The following XIRP2 variants were observed in gnomAD, a reference collection of about 807,000 sequenced individuals.
XIRP2 encodes the protein xin actin-binding repeat-containing protein 2.
A neutral mutation model predicts 277.0 loss-of-function variants in XIRP2; 236 were observed. The ratio of observed to expected loss-of-function variants is 0.85; its 90% CI spans 0.77 to 0.95. The LOEUF (loss-of-function observed/expected upper bound fraction) is 0.95, where lower values mean the gene tolerates loss of function less well. XIRP2 is among the 40% of genes least tolerant of loss of function. The pLI is 0.00. For missense variants in XIRP2, 4,640 were observed against 4,157.5 expected (o/e 1.12, Z -3.19); for synonymous variants, 1,490 against 1,416.5 (o/e 1.05, Z -1.17).
intron 5 of XIRP2, among the ~76,000 whole-genome samples, chr2:167,238,392 G>A (rs143170336): frequency 1.3e-5 from 2 of 151,980 alleles, no homozygotes; most frequent in Non-Finnish European, 2.9e-5. Context: ...TTCTAGGAAG[G>A]CCTCAACATT....
chr2:166,933,969 A>T (rs560271483), intron 2 of XIRP2, among the ~76,000 whole-genome samples: 148 of 152,190 alleles, frequency 9.7e-4, no homozygotes, highest in Non-Finnish European at 1.7e-3. Context: ...GTTAAAAAAA[A>T]ATCAGAAACA....
chr2:166,971,769 T>A (rs1319801216), intron 2 of XIRP2, among the ~76,000 whole-genome samples: 1 of 152,140 alleles, frequency 6.6e-6, no homozygotes, highest in Non-Finnish European at 1.5e-5. Context: ...AGGAAAATAA[T>A]TTTTAATTAT....
At chr2:167,018,294 G>A (rs1413952346) in intron 2 of XIRP2, among the ~76,000 whole-genome samples, 1 of 151,930 alleles carries the variant, frequency 6.6e-6, no homozygotes, top group Non-Finnish European at 1.5e-5. Flanking sequence ...CCAGGGGTAG[G>A]AAGTGAGATA....
At chr2:166,994,921 T>C (rs1012599579) in intron 2 of XIRP2, among the ~76,000 whole-genome samples, 1 of 150,088 alleles carries the variant, frequency 6.7e-6, no homozygotes, top group Non-Finnish European at 1.5e-5. Context: ...GGCTTTGACT[T>C]CTTTTTTTTT....
At position 167,258,495 on chromosome 2, in the gene XIRP2, G is replaced by C; in HGVS notation, c.*678G>C. On this transcript the variant is annotated 3_prime_UTR_variant, in exon 11 of 11. Coordinates refer to ENST00000409195, the MANE Select transcript of XIRP2 (RefSeq NM_152381.6). ...CCGAGTGAAGCTGAAGACACAAAGAGTAACAGGAAAAGTGCTATGGATCTT... is the reference window on the plus strand; with the variant it reads ...CCGAGTGAAGCTGAAGACACAAAGACTAACAGGAAAAGTGCTATGGATCTT... 6.2e-7 allele frequency: 1 copy of C among 1,613,168 alleles called. No homozygotes were observed. Among genetic ancestry groups the C allele is most frequent in the South Asian group, 1.1e-5 (1 of 91,034 alleles).
intron 2 of XIRP2, among the ~76,000 whole-genome samples, chr2:167,135,571 C>A (rs1691520121): frequency 6.6e-6 from 1 of 152,080 alleles, no homozygotes; most frequent in African/African-American, 2.4e-5. Context: ...CCCTCATCAA[C>A]ATTTCTCAGG....
At chr2:167,148,569 T>G (rs1691927836) in intron 3 of XIRP2, among the ~76,000 whole-genome samples, 1 of 151,768 alleles carries the variant, frequency 6.6e-6, no homozygotes, top group Non-Finnish European at 1.5e-5. Flanking sequence ...ACTGCAAAGT[T>G]ATATAGCTGA....
intron 10 of XIRP2, among the ~76,000 whole-genome samples, chr2:167,257,203 T>A (rs535998153): frequency 3.8e-4 from 58 of 152,074 alleles, no homozygotes; most frequent in African/African-American, 1.3e-3. Flanking sequence ...GCCTTGTGAC[T>A]GTTGGTGGTT....
intron 10 of XIRP2, among the ~76,000 whole-genome samples, chr2:167,256,258 T>C (rs911009286): frequency 4.0e-5 from 6 of 151,726 alleles, no homozygotes; most frequent in South Asian, 4.1e-4. Flanking sequence ...CTTGAATGTT[T>C]TTTGCCTATT....
intron 2 of XIRP2, among the ~76,000 whole-genome samples, chr2:167,132,656 G>T (rs569748595): frequency 5.3e-5 from 8 of 152,220 alleles, no homozygotes; most frequent in Non-Finnish European, 1.2e-4. Flanking sequence ...CCAGCACCAC[G>T]TGTTTCCTTT....
chr2:167,189,223 C>T (rs572038631), intron 3 of XIRP2, among the ~76,000 whole-genome samples: 1 of 152,142 alleles, frequency 6.6e-6, no homozygotes, highest in Admixed American at 6.5e-5. Flanking sequence ...TACTGGGAAC[C>T]GATATATTTC....
intron 2 of XIRP2, among the ~76,000 whole-genome samples, chr2:166,995,165 C>T (rs1177722118): frequency 6.6e-6 from 1 of 152,188 alleles, no homozygotes; most frequent in Non-Finnish European, 1.5e-5. Flanking sequence ...CACGTGTGAG[C>T]AGCCACGCCT....
chr2:167,129,851 G>C (rs1273078027), intron 2 of XIRP2, among the ~76,000 whole-genome samples: 1 of 139,644 alleles, frequency 7.2e-6, no homozygotes, highest in African/African-American at 2.7e-5. Flanking sequence ...GCCTGAGCAA[G>C]AGTGAAAAAC....
intron 2 of XIRP2, among the ~76,000 whole-genome samples, chr2:167,135,122 T>C (rs577900704): frequency 6.6e-6 from 1 of 152,294 alleles, no homozygotes; most frequent in South Asian, 2.1e-4. Context: ...TTACTTGACA[T>C]ATTTAAAACT....
intron 2 of XIRP2, among the ~76,000 whole-genome samples, chr2:167,050,641 A>T (rs1333806879): frequency 6.6e-6 from 1 of 152,034 alleles, no homozygotes; most frequent in Non-Finnish European, 1.5e-5. Context: ...TGAGGGAAAT[A>T]AAAGAGGGAA....
At chr2:167,053,199 C>T (rs954491954) in intron 2 of XIRP2, among the ~76,000 whole-genome samples, 1 of 152,224 alleles carries the variant, frequency 6.6e-6, no homozygotes, top group Non-Finnish European at 1.5e-5. Flanking sequence ...ATGTCTCCTA[C>T]TCTACAGCTA....
intron 3 of XIRP2, among the ~76,000 whole-genome samples, chr2:167,148,858 A>G (rs1397316768): frequency 6.6e-6 from 1 of 152,214 alleles, no homozygotes; most frequent in East Asian, 1.9e-4. Flanking sequence ...CTGAGAACAA[A>G]GTGAAAGTAC....
At chr2:167,194,859 A>C (rs540534312) in intron 3 of XIRP2, among the ~76,000 whole-genome samples, 6 of 152,286 alleles carry the variant, frequency 3.9e-5, no homozygotes, top group African/African-American at 1.4e-4. Context: ...GTTCTAAAGC[A>C]TCAGTCCCTG....
chr2:167,013,422 AT>A (rs1396413400), intron 2 of XIRP2, among the ~76,000 whole-genome samples: 1 of 151,518 alleles, frequency 6.6e-6, no homozygotes, highest in African/African-American at 2.4e-5. Context: ...AAACATAAGA[AT>A]CAGCTGCAGA....
Sources: gnomAD v4.1 joint callset for allele counts (sites outside exome capture counted in the v4.1 genomes callset) on GRCh38, gnomAD v4.1.1 for gene constraint, MANE v1.5 for transcripts, NCBI Gene and HGNC (gene_info 2026-07-23, HGNC 2026-07-21) for gene names.